NBAS: variants seen among roughly 807,000 people sequenced by gnomAD.
NBAS encodes the protein NBAS subunit of NRZ tethering complex.
Under a neutral mutation model 302.5 loss-of-function variants are expected in NBAS, and 219 were observed. The observed-to-expected ratio is 0.72, with a 90% CI of 0.65 to 0.81. The LOEUF is 0.81. NBAS is among the 30% of genes least tolerant of loss of function. The pLI is 0.00. For missense variants in NBAS, 2,932 were observed against 2,841.6 expected (o/e 1.03, Z -0.72); for synonymous variants, 1,118 against 1,021.6 (o/e 1.09, Z -1.80).
At chr2:14,880,161 T>C in the NBAS span, among the ~76,000 whole-genome samples, 1,081 of 152,210 alleles carry the variant, frequency 7.1e-3, 8 homozygotes, top group African/African-American at 0.023. Context: ...TTAAAAACCA[T>C]ATACAGATGA....
chr2:15,503,459 T>C (rs942909562), intron 11 of NBAS, among the ~76,000 whole-genome samples: 1 of 152,160 alleles, frequency 6.6e-6, no homozygotes, highest in Non-Finnish European at 1.5e-5. Context: ...TTAGATTATT[T>C]GATTTTCCTC....
chr2:15,107,371 C>A, the NBAS span, among the ~76,000 whole-genome samples: 1 of 152,086 alleles, frequency 6.6e-6, no homozygotes, highest in Non-Finnish European at 1.5e-5. Context: ...AGCTTCCAGA[C>A]TGTGAGGAAA....
chr2:15,275,883 A>AAC (rs927176845), intron 43 of NBAS, 65 bp from the exon 44 acceptor site: 9 of 1,391,874 alleles, frequency 6.5e-6, no homozygotes, highest in East Asian at 2.3e-5. Context: ...GTCACTTTCA[A>AAC]ACACACACAC....
rs527898973 is a variant in NBAS, at chr2:15,298,280, T to C, written c.4798-5514A>G. Among the ~76,000 whole-genome samples, 5 of 152,330 alleles carry C rather than the reference T, an allele frequency of 3.3e-5. No individual in the cohort carries two copies. The South Asian group carries it at 1.0e-3, about 32-fold the overall frequency. On this transcript the variant is annotated intron_variant, in intron 40 of 51. Coordinates refer to ENST00000281513, the MANE Select transcript of NBAS (RefSeq NM_015909.4). ...GTTTATAGCTCATCAAATATTTGTG[T>C]ATAAAAAAATTTTCAGTACTTCAAT...
At chr2:15,355,609 T>G (rs943261193) in intron 33 of NBAS, among the ~76,000 whole-genome samples, 2 of 152,042 alleles carry the variant, frequency 1.3e-5, no homozygotes, top group East Asian at 3.9e-4. Context: ...AGATCATGGG[T>G]GCAATTTCTC....
chr2:15,424,797 G>T (rs1349497912), intron 22 of NBAS, among the ~76,000 whole-genome samples: 1 of 152,146 alleles, frequency 6.6e-6, no homozygotes, highest in Non-Finnish European at 1.5e-5. Context: ...ACACAGCTGG[G>T]TGCTTACCGC....
chr2:15,302,967 A>T (rs1159905375), intron 40 of NBAS, among the ~76,000 whole-genome samples: 2 of 152,174 alleles, frequency 1.3e-5, no homozygotes, highest in African/African-American at 4.8e-5. Context: ...TCTTGGGCTT[A>T]CACCAGTGGT....
At chr2:15,516,609 G>C (rs1412357975) in intron 9 of NBAS, among the ~76,000 whole-genome samples, 3 of 151,822 alleles carry the variant, frequency 2.0e-5, no homozygotes, top group African/African-American at 7.3e-5. Flanking sequence ...TGTAGACCCA[G>C]CTACTCAGGA....
chr2:14,963,315 T>C, the NBAS span, among the ~76,000 whole-genome samples: 1 of 152,112 alleles, frequency 6.6e-6, no homozygotes, highest in African/African-American at 2.4e-5. Context: ...CCTATGGGAA[T>C]ACAACCACAC....
At chr2:14,964,786 A>G in the NBAS span, among the ~76,000 whole-genome samples, 1 of 152,190 alleles carries the variant, frequency 6.6e-6, no homozygotes. Flanking sequence ...ATACATTTTG[A>G]GCCATAAAAA....
the NBAS span, among the ~76,000 whole-genome samples, chr2:15,070,821 T>C: frequency 1.4e-3 from 185 of 136,072 alleles, 2 homozygotes; most frequent in Non-Finnish European, 2.4e-3. Flanking sequence ...ATGTAAAACA[T>C]AAAAGTACAG....
rs759360925 is a variant in NBAS at position 15,276,914 on chromosome 2, T to A, written c.5326A>T (p.Asn1776Tyr). 2 of 1,613,914 alleles carry A rather than the reference T, an allele frequency of 1.2e-6. No individual in the cohort carries two copies. The highest frequency in any genetic ancestry group is 1.7e-6 in the Non-Finnish European group (2 of 1,179,988). Reference protein sequence around the residue: ...LENCGCADLGNCAIKPETHIR... With the variant: ...LENCGCADLGYCAIKPETHIR... ...TGGGTTTCTGGTTTAATGGCACAGTTCCCCAAATCTGCACAGCCACAGTTT... is the reference window on the plus strand; with the variant it reads ...TGGGTTTCTGGTTTAATGGCACAGTACCCCAAATCTGCACAGCCACAGTTT... The change falls in exon 43 of 52, where the codon AAC becomes TAC. Residue 1776 changes from asparagine (N) to tyrosine (Y), a missense_variant. By Grantham distance (143) the Asn-to-Tyr change is moderately radical (BLOSUM62 -2). Coordinates refer to ENST00000281513, the MANE Select transcript of NBAS (RefSeq NM_015909.4).
intron 35 of NBAS, among the ~76,000 whole-genome samples, chr2:15,341,126 C>T (rs528396796): frequency 7.9e-5 from 12 of 152,150 alleles, no homozygotes; most frequent in Non-Finnish European, 1.8e-4. Context: ...TGGCTCACAC[C>T]TGTAATTCCA....
At chr2:15,333,590 C>A (rs769610069) in intron 35 of NBAS, among the ~76,000 whole-genome samples, 5 of 152,000 alleles carry the variant, frequency 3.3e-5, no homozygotes, top group Non-Finnish European at 1.5e-5. Context: ...GAAGTTATCA[C>A]AAGGTATTTT....
At chr2:15,523,066 AAT>A (rs1662753370) in intron 9 of NBAS, among the ~76,000 whole-genome samples, 1 of 152,214 alleles carries the variant, frequency 6.6e-6, no homozygotes, top group African/African-American at 2.4e-5. Flanking sequence ...CATATCGAGC[AAT>A]TCAACTTTTT....
chr2:15,185,026 A>T (rs1438414602), intron 50 of NBAS, among the ~76,000 whole-genome samples: 2 of 152,238 alleles, frequency 1.3e-5, no homozygotes, highest in Non-Finnish European at 2.9e-5. Flanking sequence ...ACATTTATAC[A>T]ATTGTATGAG....
chr2:14,947,716 T>C, the NBAS span, among the ~76,000 whole-genome samples: 7 of 152,216 alleles, frequency 4.6e-5, no homozygotes, highest in African/African-American at 1.7e-4. Context: ...TTCCCATTTT[T>C]AGAGAAATAA....
At chr2:14,792,375 T>C in the NBAS span, among the ~76,000 whole-genome samples, 1 of 152,166 alleles carries the variant, frequency 6.6e-6, no homozygotes, top group Non-Finnish European at 1.5e-5. Flanking sequence ...TGGGCAAAAT[T>C]AACTGGTTAA....
intron 9 of NBAS, among the ~76,000 whole-genome samples, chr2:15,523,177 A>G (rs1354424748): frequency 3.9e-5 from 6 of 152,188 alleles, no homozygotes; most frequent in Admixed American, 1.3e-4. Flanking sequence ...GGTTTACAGT[A>G]CTGCACTAAA....
Sources: gnomAD v4.1 joint callset for allele counts (sites outside exome capture counted in the v4.1 genomes callset) on GRCh38, gnomAD v4.1.1 for gene constraint, MANE v1.5 for transcripts, NCBI Gene and HGNC (gene_info 2026-07-23, HGNC 2026-07-21) for gene names.